Variants in ABHD12B observed in about 807,000 individuals in gnomAD.
ABHD12B encodes the protein abhydrolase domain containing 12B.
Under a neutral mutation model 50.4 loss-of-function variants are expected in ABHD12B, and 42 were observed. That is an observed-to-expected ratio of 0.83 (90% CI 0.65 to 1.08). ABHD12B has a LOEUF of 1.08. Ranked by LOEUF, ABHD12B falls within the 50% of genes least tolerant of loss-of-function variation. The probability of loss-of-function intolerance (pLI) is 0.00; values close to 1 mark genes in which losing one functional copy is unlikely to be tolerated. For synonymous variants in ABHD12B, 167 were observed against 160.3 expected (o/e 1.04, Z -0.32); for missense variants, 479 against 447.7 (o/e 1.07, Z -0.63).
chr14:50,875,036 C>G (rs911567984), intron 1 of ABHD12B, among the ~76,000 whole-genome samples: 1 of 152,240 alleles, frequency 6.6e-6, no homozygotes, highest in Non-Finnish European at 1.5e-5. Context: ...CTGGGCTAGA[C>G]AGAGGGAAAT....
intron 9 of ABHD12B, among the ~76,000 whole-genome samples, chr14:50,897,974 C>T (rs2050217355): frequency 6.6e-6 from 1 of 152,148 alleles, no homozygotes; most frequent in African/African-American, 2.4e-5. Flanking sequence ...AGGCTTTGCT[C>T]ACAGGTGTGG....
chr14:50,903,526 A>C, intron 11 of ABHD12B, 59 bp downstream of exon 11: 1 of 1,456,040 alleles, frequency 6.9e-7, no homozygotes, highest in Admixed American at 1.9e-5. Context: ...CATTTTTTTC[A>C]TTCAGCCAAA....
intron 3 of ABHD12B, among the ~76,000 whole-genome samples, chr14:50,880,060 A>C (rs2049917836): frequency 6.6e-6 from 1 of 152,242 alleles, no homozygotes; most frequent in African/African-American, 2.4e-5. Flanking sequence ...GTTTCTCTTT[A>C]AATTATTTCC....
At chr14:50,884,933 T>C (rs2050015157) in intron 5 of ABHD12B, among the ~76,000 whole-genome samples, 1 of 152,184 alleles carries the variant, frequency 6.6e-6, no homozygotes, top group African/African-American at 2.4e-5. Context: ...ATATTTAATA[T>C]AAATAGCTTC....
intron 1 of ABHD12B, among the ~76,000 whole-genome samples, chr14:50,874,460 C>T (rs11624446): frequency 4.6e-5 from 7 of 151,834 alleles, no homozygotes; most frequent in Non-Finnish European, 7.4e-5. Flanking sequence ...ATTAGCCAGG[C>T]GTGGTGGCAC....
At chr14:50,873,612 G>A (rs2049817538) in intron 1 of ABHD12B, among the ~76,000 whole-genome samples, 1 of 152,194 alleles carries the variant, frequency 6.6e-6, no homozygotes. Flanking sequence ...CCAGCTCTGG[G>A]TTGGATCTGA....
chr14:50,887,732 G>A (rs150851305), intron 8 of ABHD12B, among the ~76,000 whole-genome samples: 2 of 152,190 alleles, frequency 1.3e-5, no homozygotes, highest in Non-Finnish European at 2.9e-5. Context: ...AGATTGAGCT[G>A]ATCTGAAGCT....
chr14:50,881,339 G>A (rs754976553), intron 4 of ABHD12B, among the ~76,000 whole-genome samples: 14 of 151,892 alleles, frequency 9.2e-5, no homozygotes, highest in Non-Finnish European at 1.8e-4. Context: ...CAGGTGACTC[G>A]CCTTTCTCAA....
intron 1 of ABHD12B, among the ~76,000 whole-genome samples, chr14:50,876,198 T>C (rs1202796383): frequency 6.6e-6 from 1 of 152,242 alleles, no homozygotes; most frequent in Admixed American, 6.5e-5. Flanking sequence ...ATCATTTTCA[T>C]TTCTTTCTTG....
intron 8 of ABHD12B, among the ~76,000 whole-genome samples, chr14:50,888,614 C>A (rs539781707): frequency 1.3e-5 from 2 of 152,040 alleles, no homozygotes; most frequent in African/African-American, 4.8e-5. Flanking sequence ...AGGGTGGAAG[C>A]GTGTTAAAAT....
intron 10 of ABHD12B, 24 bp from the exon 11 acceptor site, chr14:50,903,365 T>A: frequency 6.4e-7 from 1 of 1,567,850 alleles, no homozygotes; most frequent in Non-Finnish European, 8.8e-7. Context: ...TTTAACTGAA[T>A]GCTTTTCTTC....
At chr14:50,902,056 G>A (rs761670887) in intron 10 of ABHD12B, 145 bp downstream of exon 10, 12 of 540,912 alleles carry the variant, frequency 2.2e-5, no homozygotes, top group South Asian at 3.2e-5. Flanking sequence ...TCTTAGATGG[G>A]CACTAAGATT....
chr14:50,899,264 A>G (rs955721038), intron 9 of ABHD12B, among the ~76,000 whole-genome samples: 1 of 152,250 alleles, frequency 6.6e-6, no homozygotes, highest in African/African-American at 2.4e-5. Context: ...AGCCAGAACT[A>G]TGAAGCAGCA....
chr14:50,904,705 C>G lies in ABHD12B; in HGVS notation c.*339C>G. 2.7e-6 allele frequency: 1 copy of G among 373,538 alleles called. No homozygotes were observed. Among genetic ancestry groups the G allele is most frequent in the South Asian group, 3.0e-5 (1 of 33,196 alleles). The allele number at this position is 373,538 out of a possible 1,614,324, so 23.1% of individuals were successfully genotyped here. A position where few individuals can be genotyped will look rare whatever the true frequency, so the allele number is the denominator to read the frequency against. On this transcript the variant is annotated 3_prime_UTR_variant, in exon 13 of 13. Coordinates refer to ENST00000337334, the MANE Select transcript of ABHD12B (RefSeq NM_001206673.2). ...GTTGCTATGGTCCGAATATCTGGGC[C>G]TGCCCCCCCAAATTATGCTGAAACC...
In ABHD12B at chr14:50,878,845, C is replaced by T. The variant is rs1166013272; in HGVS notation, c.333C>T (p.Ile111=). 4 of 1,613,346 alleles carry T rather than the reference C, an allele frequency of 2.5e-6. No individual in the cohort carries two copies. Among genetic ancestry groups the T allele is most frequent in the African/African-American group, 2.7e-5 (2 of 75,018 alleles). ...TTGAACCTGGGGTGATGCTAGGGAT[C>T]TGGTGAGTGCACGGATGGGACACCG... The part of the protein sequence containing the change: ...LRVEPGVMLG[I]WHTVPSCRGE... Residue 111 remains isoleucine (I), a splice_region_variant and synonymous_variant, in exon 3 of 13, where the codon ATC becomes ATT. Transcript: ENST00000337334.
chr14:50,895,579 C>G (rs1465617728), intron 9 of ABHD12B: 1 of 152,148 alleles, frequency 6.6e-6, no homozygotes, highest in Non-Finnish European at 1.5e-5. Context: ...CCCAGAGCCC[C>G]TGGAACTCTG....
At chr14:50,882,446 G>A (rs8005678) in intron 5 of ABHD12B, among the ~76,000 whole-genome samples, 128,927 of 144,160 alleles carry the variant, frequency 0.89, 57,842 homozygotes, top group Middle Eastern at 0.99. Context: ...GTGCTATCTC[G>A]GCTCACTGCA....
Position 50,878,067 on chromosome 14 carries a change from TA to T in ABHD12B, c.221del (p.Tyr74PhefsTer13). ...VFLPLIDMLI[Y>X]FNFFKAPFLV... is the part of the protein sequence containing the mutation. The stretch of plus-strand genomic sequence containing the variant: ...CCTTCCTCTGATAGACATGCTAATT[TA>T]TTTTAATTTTTGTAAGTATGGACCT... On this transcript the variant is annotated frameshift_variant, in exon 2 of 13. Transcript: ENST00000337334. LOFTEE classifies it high-confidence loss of function. The T allele has an allele frequency of 6.5e-7, 1 of 1,527,180 alleles. No individual in the cohort carries two copies. Among genetic ancestry groups the T allele is most frequent in the Non-Finnish European group, 8.7e-7 (1 of 1,144,024 alleles). The allele number at this position is 1,527,180 out of a possible 1,614,324, so 94.6% of individuals were successfully genotyped here.
In ABHD12B at chr14:50,872,146, G is replaced by T; in HGVS notation, c.-29G>T. Reference sequence around the variant, plus strand: ...TGCTCCGGACTGCAGCTCCCGCGGCGGTGGCGGCGTATCGGGACACGGCGC... The same window carrying T: ...TGCTCCGGACTGCAGCTCCCGCGGCTGTGGCGGCGTATCGGGACACGGCGC... On this transcript the variant is annotated 5_prime_UTR_variant, in exon 1 of 13. Coordinates refer to ENST00000337334, the MANE Select transcript of ABHD12B (RefSeq NM_001206673.2). The T allele has an allele frequency of 7.9e-7, 1 of 1,270,232 alleles. No individual in the cohort carries two copies. Among genetic ancestry groups the T allele is most frequent in the South Asian group, 2.5e-5 (1 of 40,748 alleles). 78.7% of individuals were successfully genotyped at this position (1,270,232 alleles called of 1,614,324 possible). A position where few individuals can be genotyped will look rare whatever the true frequency, so the allele number is the denominator to read the frequency against.
Sources: allele counts gnomAD v4.1 joint callset (sites outside exome capture counted in the v4.1 genomes callset), GRCh38; gene constraint gnomAD v4.1.1; transcripts MANE v1.5; gene names NCBI Gene and HGNC (gene_info 2026-07-23, HGNC 2026-07-21).